PAPPA2: variants seen among roughly 807,000 people sequenced by gnomAD.
PAPPA2 encodes the protein pappalysin 2.
In PAPPA2, 86 loss-of-function variants were observed where a neutral mutation model predicts 176.4. The ratio of observed to expected loss-of-function variants is 0.49; its 90% CI spans 0.41 to 0.58. PAPPA2 has a LOEUF of 0.58. Ranked by LOEUF, PAPPA2 falls within the 20% of genes least tolerant of loss-of-function variation. The pLI is 0.00. For missense variants in PAPPA2, 2,073 were observed against 2,256.9 expected (o/e 0.92, Z 1.65); for synonymous variants, 809 against 852.2 (o/e 0.95, Z 0.88).
chr1:176,769,483 G>A (rs1012205253), intron 15 of PAPPA2, 124 bp from the exon 16 acceptor site: 2 of 1,035,122 alleles, frequency 1.9e-6, no homozygotes, highest in African/African-American at 1.6e-5. Flanking sequence ...AGGGAGAAAG[G>A]CAAAATAATT....
chr1:176,709,767 T>C (rs1455481824), intron 10 of PAPPA2, among the ~76,000 whole-genome samples: 1 of 152,166 alleles, frequency 6.6e-6, no homozygotes, highest in Non-Finnish European at 1.5e-5. Context: ...ATGTAGATGG[T>C]TTCTACCTTT....
chr1:176,552,100 T>C (rs922919035), intron 1 of PAPPA2, among the ~76,000 whole-genome samples: 4 of 152,278 alleles, frequency 2.6e-5, no homozygotes, highest in African/African-American at 9.6e-5. Context: ...TCTCCTCCCT[T>C]CACCTGCCTC....
intron 3 of PAPPA2, among the ~76,000 whole-genome samples, chr1:176,667,423 A>C (rs1043974303): frequency 2.0e-5 from 3 of 152,120 alleles, no homozygotes; most frequent in Admixed American, 2.0e-4. Context: ...TGGGGAGTAT[A>C]TGGGAATGAG....
chr1:176,800,290 C>T (rs1005216304), intron 21 of PAPPA2, among the ~76,000 whole-genome samples, 158 bp downstream of exon 21: 1 of 152,138 alleles, frequency 6.6e-6, no homozygotes, highest in Non-Finnish European at 1.5e-5. Context: ...CTTAAATTTA[C>T]AGAAATTAGG....
chr1:176,498,142 G>GT (rs1356875408), intron 1 of PAPPA2, among the ~76,000 whole-genome samples: 3 of 152,098 alleles, frequency 2.0e-5, no homozygotes, highest in East Asian at 3.9e-4. Flanking sequence ...TAAAGTTACC[G>GT]TTTTTTCTTT....
intron 3 of PAPPA2, among the ~76,000 whole-genome samples, chr1:176,654,885 G>A (rs747012154): frequency 6.6e-6 from 1 of 151,682 alleles, no homozygotes. Flanking sequence ...CATTATTGAT[G>A]TATAGAAACA....
At chr1:176,756,706 C>CTTA (rs756381970) in intron 14 of PAPPA2, among the ~76,000 whole-genome samples, 122 of 151,496 alleles carry the variant, frequency 8.1e-4, no homozygotes, top group African/African-American at 1.3e-3. Context: ...AGATAAGACT[C>CTTA]TTATTATTAT....
At chr1:176,697,318 C>T (rs1391557706) in intron 7 of PAPPA2, among the ~76,000 whole-genome samples, 5 of 152,096 alleles carry the variant, frequency 3.3e-5, no homozygotes, top group African/African-American at 1.2e-4. Flanking sequence ...CTTTATGCTG[C>T]TAGTATTGGG....
At chr1:176,709,392 G>A (rs1453973481) in intron 10 of PAPPA2, among the ~76,000 whole-genome samples, 1 of 151,930 alleles carries the variant, frequency 6.6e-6, no homozygotes, top group African/African-American at 2.4e-5. Context: ...CACCTCACAG[G>A]GTTGTCCTAA....
intron 10 of PAPPA2, among the ~76,000 whole-genome samples, chr1:176,707,004 T>C (rs759502306): frequency 2.6e-5 from 4 of 152,194 alleles, no homozygotes; most frequent in Admixed American, 6.5e-5. Flanking sequence ...TAACTTTGAC[T>C]CTAGAGTATA....
At chr1:176,570,296 G>A (rs542875638) in intron 2 of PAPPA2, among the ~76,000 whole-genome samples, 9 of 152,170 alleles carry the variant, frequency 5.9e-5, no homozygotes, top group Non-Finnish European at 1.2e-4. Flanking sequence ...CTCTCTTTTG[G>A]GGGGGTGAAA....
intron 21 of PAPPA2, among the ~76,000 whole-genome samples, chr1:176,830,785 T>C (rs1471056137): frequency 6.6e-6 from 1 of 152,184 alleles, no homozygotes; most frequent in East Asian, 1.9e-4. Context: ...TATTAATTCT[T>C]GTAGGAGCCC....
intron 1 of PAPPA2, among the ~76,000 whole-genome samples, chr1:176,508,033 C>A (rs914623863): frequency 6.6e-6 from 1 of 152,140 alleles, no homozygotes; most frequent in Admixed American, 6.5e-5. Context: ...TCAGAGAAGT[C>A]ATGCCTTCAT....
intron 1 of PAPPA2, among the ~76,000 whole-genome samples, chr1:176,464,149 T>G (rs1329131003): frequency 6.6e-6 from 1 of 152,242 alleles, no homozygotes. Context: ...CAGTGTAGTT[T>G]GAATATAAAC....
intron 21 of PAPPA2, among the ~76,000 whole-genome samples, chr1:176,822,241 T>C (rs1213007422): frequency 2.0e-5 from 3 of 152,156 alleles, no homozygotes; most frequent in Admixed American, 6.5e-5. Context: ...TGTCACCTCC[T>C]AGTTGATTGT....
chr1:176,586,416 T>C (rs1261657930), intron 2 of PAPPA2, among the ~76,000 whole-genome samples: 1 of 152,120 alleles, frequency 6.6e-6, no homozygotes, highest in Non-Finnish European at 1.5e-5. Flanking sequence ...CTGCACCTAT[T>C]GACCCATCCT....
intron 3 of PAPPA2, among the ~76,000 whole-genome samples, chr1:176,606,946 T>C (rs1654649789): frequency 6.6e-6 from 1 of 152,144 alleles, no homozygotes; most frequent in African/African-American, 2.4e-5. Flanking sequence ...TACTGGACAA[T>C]AGTCTTAGAT....
chr1:176,721,154 A>G (rs1453784286), intron 12 of PAPPA2, among the ~76,000 whole-genome samples: 2 of 152,198 alleles, frequency 1.3e-5, no homozygotes, highest in Non-Finnish European at 2.9e-5. Flanking sequence ...TCAAGTTGAT[A>G]TTTAAAATTT....
chr1:176,752,180 G>T (rs1265569198), intron 14 of PAPPA2, among the ~76,000 whole-genome samples: 6 of 133,838 alleles, frequency 4.5e-5, no homozygotes, highest in South Asian at 2.6e-4. Flanking sequence ...TATCACACTC[G>T]GGGGACTGTG....
Sources: allele counts gnomAD v4.1 joint callset (sites outside exome capture counted in the v4.1 genomes callset), GRCh38; gene constraint gnomAD v4.1.1; transcripts MANE v1.5; gene names NCBI Gene and HGNC (gene_info 2026-07-23, HGNC 2026-07-21).